The following SCHIP1 variants were observed in gnomAD, a reference collection of about 807,000 sequenced individuals.
The protein encoded by SCHIP1 is schwannomin-interacting protein 1.
In SCHIP1, 8 loss-of-function variants were observed where a neutral mutation model predicts 29.7. That is an observed-to-expected ratio of 0.27 (90% CI 0.16 to 0.49). The LOEUF is 0.49. SCHIP1 is among the 20% of genes least tolerant of loss of function. SCHIP1 has a pLI of 0.99. For missense variants in SCHIP1, 193 were observed against 294.6 expected (o/e 0.66, Z 2.52); for synonymous variants, 76 against 94.9 (o/e 0.80, Z 1.16).
the SCHIP1 span, among the ~76,000 whole-genome samples, chr3:159,745,198 C>A: frequency 2.0e-5 from 3 of 152,196 alleles, no homozygotes; most frequent in Non-Finnish European, 4.4e-5. Context: ...TCTTGCTTAG[C>A]CAAGTTCCCT....
the SCHIP1 span, among the ~76,000 whole-genome samples, chr3:159,675,228 C>A: frequency 5.9e-5 from 9 of 152,182 alleles, no homozygotes; most frequent in Non-Finnish European, 1.2e-4. Context: ...TTTATAGGCA[C>A]AACTTCTCCA....
chr3:159,621,668 CTT>C, the SCHIP1 span, among the ~76,000 whole-genome samples: 1 of 146,414 alleles, frequency 6.8e-6, no homozygotes, highest in Non-Finnish European at 1.5e-5. Context: ...TGTTTTTGTT[CTT>C]TGTTTTTTTT....
chr3:159,375,474 C>T, the SCHIP1 span, among the ~76,000 whole-genome samples: 4 of 152,180 alleles, frequency 2.6e-5, no homozygotes, highest in East Asian at 1.9e-4. Flanking sequence ...GGCGTGCTCA[C>T]GCCTGTAATC....
the SCHIP1 span, among the ~76,000 whole-genome samples, chr3:159,653,897 A>C: frequency 6.6e-6 from 1 of 152,150 alleles, no homozygotes; most frequent in Non-Finnish European, 1.5e-5. Context: ...TCCCAATTAC[A>C]CCCATCTCAT....
chr3:159,468,775 A>ATT, the SCHIP1 span, among the ~76,000 whole-genome samples: 293 of 125,562 alleles, frequency 2.3e-3, no homozygotes, highest in African/African-American at 8.2e-3. Flanking sequence ...ATATATATAT[A>ATT]TATTTTTTTT....
At chr3:159,396,746 C>A in the SCHIP1 span, among the ~76,000 whole-genome samples, 1 of 151,562 alleles carries the variant, frequency 6.6e-6, no homozygotes, top group African/African-American at 2.4e-5. Flanking sequence ...CTCTGGCTGC[C>A]CTTAACATTT....
At chr3:159,584,791 A>G in the SCHIP1 span, among the ~76,000 whole-genome samples, 1 of 152,104 alleles carries the variant, frequency 6.6e-6, no homozygotes, top group Admixed American at 6.6e-5. Flanking sequence ...ATGCTGAAGT[A>G]TGGGAATCAC....
chr3:159,742,224 C>CA, the SCHIP1 span, among the ~76,000 whole-genome samples: 7 of 150,908 alleles, frequency 4.6e-5, no homozygotes, highest in East Asian at 5.8e-4. Flanking sequence ...GACTCCGTCT[C>CA]AAAAAAAAAG....
chr3:159,776,165 C>A, the SCHIP1 span, among the ~76,000 whole-genome samples: 11 of 151,866 alleles, frequency 7.2e-5, no homozygotes, highest in African/African-American at 2.2e-4. Context: ...GTTTCAGAAC[C>A]AATTCAGTCT....
At chr3:159,775,378 C>T in the SCHIP1 span, among the ~76,000 whole-genome samples, 4 of 152,168 alleles carry the variant, frequency 2.6e-5, no homozygotes, top group Non-Finnish European at 5.9e-5. Flanking sequence ...AAACCCTCTG[C>T]AGCCTCCCAG....
chr3:159,831,975 G>A, the SCHIP1 span, among the ~76,000 whole-genome samples: 4 of 152,072 alleles, frequency 2.6e-5, no homozygotes, highest in African/African-American at 9.7e-5. Flanking sequence ...CTACTACATA[G>A]TCATTATCTA....
the SCHIP1 span, among the ~76,000 whole-genome samples, chr3:159,796,138 A>T: frequency 6.6e-6 from 1 of 152,310 alleles, no homozygotes; most frequent in South Asian, 2.1e-4. Flanking sequence ...TGCAGGTCAG[A>T]TAGATCACTG....
the SCHIP1 span, among the ~76,000 whole-genome samples, chr3:159,452,808 AGTT>A: frequency 1.3e-5 from 2 of 150,092 alleles, no homozygotes; most frequent in Non-Finnish European, 2.9e-5. Flanking sequence ...CCTCACCAGC[AGTT>A]GTTGTTTCCT....
At chr3:159,309,440 G>T in the SCHIP1 span, among the ~76,000 whole-genome samples, 8 of 152,120 alleles carry the variant, frequency 5.3e-5, no homozygotes, top group Non-Finnish European at 7.4e-5. Context: ...GAACTATTGA[G>T]AATCTGCCAC....
chr3:159,829,988 T>G, the SCHIP1 span, among the ~76,000 whole-genome samples: 7 of 152,372 alleles, frequency 4.6e-5, no homozygotes, highest in East Asian at 1.3e-3. Context: ...TAAACCAATT[T>G]TGAATAAGTT....
chr3:159,506,246 C>A, the SCHIP1 span, among the ~76,000 whole-genome samples: 913 of 152,232 alleles, frequency 6.0e-3, 9 homozygotes, highest in African/African-American at 0.021. Context: ...TTTCATGTGT[C>A]TTTTGGCTGC....
the SCHIP1 span, among the ~76,000 whole-genome samples, chr3:159,436,123 C>G: frequency 6.6e-6 from 1 of 152,140 alleles, no homozygotes; most frequent in Non-Finnish European, 1.5e-5. Flanking sequence ...AGTAACCCCA[C>G]AATATTGCTA....
At chr3:159,700,533 G>A in the SCHIP1 span, among the ~76,000 whole-genome samples, 1 of 152,086 alleles carries the variant, frequency 6.6e-6, no homozygotes, top group Non-Finnish European at 1.5e-5. Flanking sequence ...AAAAGATGCA[G>A]TTTGGGCTGG....
intron 1 of SCHIP1, among the ~76,000 whole-genome samples, chr3:159,852,579 C>T (rs543248629): frequency 4.8e-4 from 73 of 152,218 alleles, no homozygotes; most frequent in Non-Finnish European, 8.8e-4. Context: ...CAGAAAAGAA[C>T]GTTTGCTTTT....
Sources: allele counts gnomAD v4.1 joint callset (sites outside exome capture counted in the v4.1 genomes callset), GRCh38; gene constraint gnomAD v4.1.1; transcripts MANE v1.5; gene names NCBI Gene and HGNC (gene_info 2026-07-23, HGNC 2026-07-21).